SLC1A2: variants seen among roughly 807,000 people sequenced by gnomAD.
SLC1A2 encodes the protein excitatory amino acid transporter 2.
SLC1A2 carries 15 observed loss-of-function variants against 48.8 expected under a neutral mutation model. The ratio of observed to expected loss-of-function variants is 0.31; its 90% CI spans 0.21 to 0.47. The LOEUF is 0.47. Among genes scored for constraint, SLC1A2 ranks in the 20% least tolerant of loss-of-function variants. The pLI, the probability that SLC1A2 is intolerant of heterozygous loss-of-function variation, is 0.99. For synonymous variants in SLC1A2, 279 were observed against 272.6 expected, an observed-to-expected ratio of 1.02 and a Z score of -0.23; for missense variants, 502 against 730.5, an observed-to-expected ratio of 0.69 and a Z score of 3.61.
rs1950282770 is a variant in SLC1A2, at chr11:35,254,221, A to G, written c.*6673T>C. 1 of 152,656 alleles carries G rather than the reference A, an allele frequency of 6.6e-6. No homozygotes were observed. The highest frequency in any genetic ancestry group is 1.5e-5 in the Non-Finnish European group (1 of 68,044). 9.5% of individuals were successfully genotyped at this position (152,656 alleles called of 1,614,324 possible). On this transcript the variant is annotated 3_prime_UTR_variant, in exon 11 of 11. Coordinates refer to ENST00000278379, the MANE Select transcript of SLC1A2 (RefSeq NM_004171.4). ...AAACAATATACAAAATCCTCAAAAAAGTAGTTTTTTTATATACAAATCTCT... is the reference window on the plus strand; with the variant it reads ...AAACAATATACAAAATCCTCAAAAAGGTAGTTTTTTTATATACAAATCTCT...
intron 2 of SLC1A2, chr11:35,315,971 G>A (rs1354661889): frequency 2.6e-5 from 4 of 152,318 alleles, no homozygotes; most frequent in Admixed American, 2.6e-4. Context: ...AATTGACCAA[G>A]CTAGTGTGAA....
At chr11:35,361,534 T>C (rs368461859) in intron 1 of SLC1A2, among the ~76,000 whole-genome samples, 1 of 152,176 alleles carries the variant, frequency 6.6e-6, no homozygotes, top group East Asian at 1.9e-4. Flanking sequence ...CGCTCCTCCT[T>C]TCTGCTTCCC....
chr11:35,386,036 G>A (rs1216153364), intron 1 of SLC1A2, among the ~76,000 whole-genome samples: 1 of 152,108 alleles, frequency 6.6e-6, no homozygotes, highest in Non-Finnish European at 1.5e-5. Context: ...CATGGTGGCG[G>A]ATGCCTGTAG....
At chr11:35,280,748 G>A (rs1850601332) in intron 9 of SLC1A2, 119 bp downstream of exon 9, 1 of 613,524 alleles carries the variant, frequency 1.6e-6, no homozygotes, top group East Asian at 2.9e-5. Context: ...GAAGGAGGAA[G>A]GAAGAGTGAG....
chr11:35,382,182 A>G (rs1390476224), intron 1 of SLC1A2, among the ~76,000 whole-genome samples: 1 of 152,224 alleles, frequency 6.6e-6, no homozygotes, highest in Admixed American at 6.5e-5. Context: ...ACCACTCTGC[A>G]TTGCTGTCTC....
intron 10 of SLC1A2, 76 bp downstream of exon 10, chr11:35,265,450 AC>A: frequency 1.4e-6 from 1 of 737,960 alleles, no homozygotes; most frequent in African/African-American, 1.9e-5. Context: ...GCAGGGCTTT[AC>A]GGTTTTTTTT....
intron 4 of SLC1A2, among the ~76,000 whole-genome samples, chr11:35,306,462 T>A (rs1353399511): frequency 6.6e-6 from 1 of 152,256 alleles, no homozygotes; most frequent in Non-Finnish European, 1.5e-5. Context: ...TAATCACAGA[T>A]AATTACACAA....
At chr11:35,355,084 T>A (rs937088469) in intron 1 of SLC1A2, among the ~76,000 whole-genome samples, 6 of 152,204 alleles carry the variant, frequency 3.9e-5, no homozygotes, top group Admixed American at 2.0e-4. Context: ...CCATAACATT[T>A]ACATAGAAAT....
intron 1 of SLC1A2, chr11:35,352,273 T>C (rs1853288347): frequency 6.6e-6 from 1 of 152,252 alleles, no homozygotes; most frequent in Admixed American, 6.5e-5. Context: ...CTTCATCTAG[T>C]TCCACTTAGT....
chr11:35,357,924 A>G (rs1406514476), intron 1 of SLC1A2, among the ~76,000 whole-genome samples: 2 of 152,206 alleles, frequency 1.3e-5, no homozygotes, highest in Non-Finnish European at 2.9e-5. Flanking sequence ...AGGTGTGCAG[A>G]TCACCAGGTC....
chr11:35,391,891 GA>G (rs893785757), intron 1 of SLC1A2, among the ~76,000 whole-genome samples: 76 of 152,176 alleles, frequency 5.0e-4, no homozygotes, highest in African/African-American at 1.8e-3. Flanking sequence ...CACTTTGGGG[GA>G]AAAAGGAGCG....
Position 35,419,001 on chromosome 11 carries a change from C to T in SLC1A2, c.-35G>A. 6.4e-7 allele frequency: 1 copy of T among 1,550,750 alleles called. No homozygotes were observed. Among genetic ancestry groups the T allele is most frequent in the East Asian group, 2.5e-5 (1 of 40,778 alleles). On this transcript the variant is annotated 5_prime_UTR_variant, in exon 1 of 11. Coordinates refer to ENST00000278379, the MANE Select transcript of SLC1A2 (RefSeq NM_004171.4). The surrounding 1 kb of genome is among the most constrained non-coding windows in gnomAD (Gnocchi z 5.4). ...AACGCCCCCTCCTCTTCAGCACTAT[C>T]CGGCAGCTGTGGGCGAGGGAGAAAG...
At chr11:35,333,403 T>G (rs1411191048) in intron 1 of SLC1A2, among the ~76,000 whole-genome samples, 1 of 142,952 alleles carries the variant, frequency 7.0e-6, no homozygotes, top group African/African-American at 2.7e-5. Context: ...GGTGACAGAA[T>G]GAGACTCTGC....
chr11:35,405,842 A>G (rs1412053290), intron 1 of SLC1A2, among the ~76,000 whole-genome samples: 1 of 152,182 alleles, frequency 6.6e-6, no homozygotes, highest in Non-Finnish European at 1.5e-5. Flanking sequence ...TCAATTGACC[A>G]CCAGAACCTT....
At position 35,291,062 on chromosome 11, in the gene SLC1A2, T is replaced by C. The variant is rs186453392; in HGVS notation, c.1091+1225A>G. ...GTCATGCAGTGGCACCTCCCTAGCA[T>C]TGCATGGGCACAGGTTCTGCAACAA... is the stretch of plus-strand genomic sequence containing the variant. On this transcript the variant is annotated intron_variant, in intron 7 of 10. Coordinates refer to ENST00000278379, the MANE Select transcript of SLC1A2 (RefSeq NM_004171.4). Among the ~76,000 whole-genome samples, 12 of 152,276 alleles carry C rather than the reference T, an allele frequency of 7.9e-5. No individual in the cohort carries two copies. The East Asian group carries it at 2.3e-3, about 29-fold the overall frequency.
chr11:35,304,712 C>T (rs906332315), intron 5 of SLC1A2, among the ~76,000 whole-genome samples: 2 of 152,112 alleles, frequency 1.3e-5, no homozygotes, highest in African/African-American at 4.8e-5. Context: ...CTCTTTCTCT[C>T]TACCATTCTA....
At chr11:35,385,336 C>T (rs566866172) in intron 1 of SLC1A2, among the ~76,000 whole-genome samples, 1 of 152,298 alleles carries the variant, frequency 6.6e-6, no homozygotes, top group East Asian at 1.9e-4. Context: ...ATTTCATCCT[C>T]ATCACAACCC....
intron 1 of SLC1A2, among the ~76,000 whole-genome samples, chr11:35,339,021 G>A (rs1309531076): frequency 6.6e-6 from 1 of 152,132 alleles, no homozygotes; most frequent in African/African-American, 2.4e-5. Flanking sequence ...TCTCTAAAGG[G>A]CAATTCTTTG....
At chr11:35,348,424 C>A (rs1414958993) in intron 1 of SLC1A2, among the ~76,000 whole-genome samples, 1 of 113,300 alleles carries the variant, frequency 8.8e-6, no homozygotes, top group East Asian at 3.0e-4. Context: ...AGGGTGCTCG[C>A]ATGTAGCAGA....
Sources: allele counts gnomAD v4.1 joint callset (sites outside exome capture counted in the v4.1 genomes callset), GRCh38; gene constraint gnomAD v4.1.1; non-coding constraint Gnocchi (gnomAD v3.1); transcripts MANE v1.5; gene names NCBI Gene and HGNC (gene_info 2026-07-23, HGNC 2026-07-21).